Variants in ZDHHC21 observed in about 807,000 individuals in gnomAD.
The protein encoded by ZDHHC21 is zDHHC palmitoyltransferase 21, also known as palmitoyltransferase ZDHHC21.
A neutral mutation model predicts 34.6 loss-of-function variants in ZDHHC21; 15 were observed. The observed-to-expected ratio is 0.43, with a 90% CI of 0.29 to 0.67. The LOEUF is 0.67. Among genes scored for constraint, ZDHHC21 ranks in the 30% least tolerant of loss-of-function variants. The pLI is 0.14. For missense variants in ZDHHC21, 344 were observed against 327.7 expected, an observed-to-expected ratio of 1.05 and a Z score of -0.38; for synonymous variants, 142 against 101.8, an observed-to-expected ratio of 1.40 and a Z score of -2.38.
rs187760254 is a variant in ZDHHC21, at chr9:14,612,613, T to G, written c.*6353A>C. ...CCATATCCAGACTTTTTTCTTTCAT[T>G]AAGTTCAATTTTCTGTTATCAGTTT... On this transcript the variant is annotated 3_prime_UTR_variant, in exon 10 of 10. Transcript: ENST00000380916. The G allele has an allele frequency of 5.9e-5, 9 of 152,018 alleles. No homozygotes were observed. The East Asian group carries it at 1.5e-3, about 26-fold the overall frequency. The allele number at this position is 152,018 out of a possible 1,614,324, so 9.4% of individuals were successfully genotyped here.
intron 7 of ZDHHC21, among the ~76,000 whole-genome samples, chr9:14,650,869 T>C (rs866891877): frequency 3.6e-4 from 55 of 152,106 alleles, no homozygotes; most frequent in African/African-American, 1.2e-3. Flanking sequence ...CTCTCTCCTC[T>C]CTTCCCCTTC....
chr9:14,597,744 C>G, the ZDHHC21 span, among the ~76,000 whole-genome samples: 1 of 152,180 alleles, frequency 6.6e-6, no homozygotes, highest in Non-Finnish European at 1.5e-5. Flanking sequence ...CCTGCCACCA[C>G]TGGCAGCCAC....
At chr9:14,606,979 C>G (rs1413943521), downstream of ZDHHC21, among the ~76,000 whole-genome samples, 1 of 151,374 alleles carries the variant, frequency 6.6e-6, no homozygotes, top group Non-Finnish European at 1.5e-5. Flanking sequence ...AGTACATCCT[C>G]TGACTTGTCA....
chr9:14,691,711 T>C (rs1199517631), intron 1 of ZDHHC21, among the ~76,000 whole-genome samples: 1 of 152,198 alleles, frequency 6.6e-6, no homozygotes, highest in African/African-American at 2.4e-5. Flanking sequence ...GAAATCTCAG[T>C]AGTGTCAAAG....
chr9:14,628,586 G>GA (rs376552993), intron 8 of ZDHHC21, among the ~76,000 whole-genome samples: 8 of 151,562 alleles, frequency 5.3e-5, no homozygotes, highest in African/African-American at 1.9e-4. Context: ...CAAGAGTAGG[G>GA]AAAAAGTAAG....
At chr9:14,660,271 C>G (rs1035642346) in intron 6 of ZDHHC21, among the ~76,000 whole-genome samples, 2 of 143,872 alleles carry the variant, frequency 1.4e-5, no homozygotes, top group African/African-American at 2.6e-5. Flanking sequence ...GAGGCTGAGG[C>G]AGGAGAATCA....
chr9:14,657,238 T>C (rs1053992372), intron 7 of ZDHHC21, among the ~76,000 whole-genome samples: 2 of 152,200 alleles, frequency 1.3e-5, no homozygotes, highest in South Asian at 2.1e-4. Context: ...TGAAAATTAA[T>C]AGGCCAAAGA....
At chr9:14,673,583 A>G (rs530267911) in intron 4 of ZDHHC21, among the ~76,000 whole-genome samples, 1 of 151,338 alleles carries the variant, frequency 6.6e-6, no homozygotes, top group South Asian at 2.1e-4. Flanking sequence ...TGCTCAATCC[A>G]GGACTGACTG....
chr9:14,667,803 C>G (rs201246051), intron 5 of ZDHHC21, among the ~76,000 whole-genome samples: 6,249 of 36,782 alleles, frequency 0.17, 667 homozygotes, highest in East Asian at 0.23. Flanking sequence ...TTCAACAACC[C>G]TTCATGCTAA....
downstream of ZDHHC21, among the ~76,000 whole-genome samples, chr9:14,606,486 T>G (rs1400708900): frequency 6.6e-6 from 1 of 152,184 alleles, no homozygotes; most frequent in Non-Finnish European, 1.5e-5. Flanking sequence ...TAAACGAGGC[T>G]TCTGTTGATT....
chr9:14,642,797 C>G (rs1173021615), intron 7 of ZDHHC21, among the ~76,000 whole-genome samples: 4 of 152,100 alleles, frequency 2.6e-5, no homozygotes, highest in Non-Finnish European at 4.4e-5. Flanking sequence ...TTTAAGCCAC[C>G]CACTTTGTTG....
chr9:14,601,388 TG>T, the ZDHHC21 span, among the ~76,000 whole-genome samples: 1 of 151,780 alleles, frequency 6.6e-6, no homozygotes, highest in Admixed American at 6.6e-5. Context: ...AACAGACACA[TG>T]AAAAAAAGGT....
the ZDHHC21 span, among the ~76,000 whole-genome samples, chr9:14,603,082 T>G: frequency 6.6e-6 from 1 of 152,056 alleles, no homozygotes; most frequent in Non-Finnish European, 1.5e-5. Flanking sequence ...AGGAAACTTT[T>G]TGGGTGATTG....
At position 14,615,183 on chromosome 9, in the gene ZDHHC21, G is replaced by A. The variant is rs980319090; in HGVS notation, c.*3783C>T. On this transcript the variant is annotated 3_prime_UTR_variant, in exon 10 of 10. Transcript: ENST00000380916. Reference sequence around the variant, plus strand: ...CAGTTCACACTTCCTGGTTTGAAGTGTTGTCCTAACTTAAGTCTTCATGAT... The same window carrying A: ...CAGTTCACACTTCCTGGTTTGAAGTATTGTCCTAACTTAAGTCTTCATGAT... The A allele has an allele frequency of 6.6e-6, 1 of 151,718 alleles. No individual in the cohort carries two copies. The highest frequency in any genetic ancestry group is 2.4e-5 in the African/African-American group (1 of 41,404). The allele number at this position is 151,718 out of a possible 1,614,324, so 9.4% of individuals were successfully genotyped here.
At chr9:14,635,423 A>T (rs1828108976) in intron 8 of ZDHHC21, among the ~76,000 whole-genome samples, 1 of 152,224 alleles carries the variant, frequency 6.6e-6, no homozygotes, top group South Asian at 2.1e-4. Flanking sequence ...GAGAATTGTA[A>T]AAACAGCAAG....
chr9:14,612,816 A>G lies in ZDHHC21; in HGVS notation c.*6150T>C, dbSNP rs1586839655. On this transcript the variant is annotated 3_prime_UTR_variant, in exon 10 of 10. Coordinates refer to ENST00000380916, the MANE Select transcript of ZDHHC21 (RefSeq NM_178566.6). ...TTATTTGCAAAGTAGACAAATGGCAATATTATTCTTTAAAGCCACTAAAGA... is the reference window on the plus strand; with the variant it reads ...TTATTTGCAAAGTAGACAAATGGCAGTATTATTCTTTAAAGCCACTAAAGA... 1 of 150,174 alleles carries G rather than the reference A, an allele frequency of 6.7e-6. No individual in the cohort carries two copies. The highest frequency in any genetic ancestry group is 2.1e-4 in the South Asian group (1 of 4,764). The allele number at this position is 150,174 out of a possible 1,614,324, so 9.3% of individuals were successfully genotyped here. A position where few individuals can be genotyped will look rare whatever the true frequency, so the allele number is the denominator to read the frequency against.
At chr9:14,596,178 A>C in the ZDHHC21 span, among the ~76,000 whole-genome samples, 1 of 152,238 alleles carries the variant, frequency 6.6e-6, no homozygotes, top group Non-Finnish European at 1.5e-5. Flanking sequence ...TGTTTATAGT[A>C]AATGAATCGA....
At position 14,687,453 on chromosome 9, in the gene ZDHHC21, C is replaced by A. The variant is rs10961670; in HGVS notation, c.-176+2884G>T. Among the ~76,000 whole-genome samples the A allele has an allele frequency of 2.5e-3, 380 of 150,786 alleles. 8 individuals are homozygous for A. The East Asian group carries it at 0.065, about 26-fold the overall frequency. On this transcript the variant is annotated intron_variant, in intron 2 of 9. Coordinates refer to ENST00000380916, the MANE Select transcript of ZDHHC21 (RefSeq NM_178566.6). ...TAGGAGGCCAAGGTGGGCAGATCAT[C>A]TGAGGTCAGGAGTTTGAGGCTGGCC...
At chr9:14,685,296 T>C (rs1291482163) in intron 2 of ZDHHC21, among the ~76,000 whole-genome samples, 5 of 149,126 alleles carry the variant, frequency 3.4e-5, no homozygotes, top group East Asian at 4.0e-4. Context: ...ATTTTTGCAA[T>C]CTACTCATCT....
Sources: allele counts gnomAD v4.1 joint callset (sites outside exome capture counted in the v4.1 genomes callset), GRCh38; gene constraint gnomAD v4.1.1; transcripts MANE v1.5; gene names NCBI Gene and HGNC (gene_info 2026-07-23, HGNC 2026-07-21).